The following ZNF536 variants were observed in gnomAD, a reference collection of about 807,000 sequenced individuals.
ZNF536 encodes the protein zinc finger protein 536.
ZNF536 carries 13 observed loss-of-function variants against 84.5 expected under a neutral mutation model. The ratio of observed to expected loss-of-function variants is 0.15; its 90% CI spans 0.10 to 0.24. The LOEUF (loss-of-function observed/expected upper bound fraction) is 0.24, where lower values mean the gene tolerates loss of function less well. ZNF536 is among the 10% of genes least tolerant of loss of function. The pLI is 1.00. For synonymous variants in ZNF536, 811 were observed against 742.5 expected, an observed-to-expected ratio of 1.09 and a Z score of -1.50; for missense variants, 1,536 against 1,747.5, an observed-to-expected ratio of 0.88 and a Z score of 2.16.
intron 1 of ZNF536, among the ~76,000 whole-genome samples, chr19:30,396,499 A>G (rs922910366): frequency 6.6e-6 from 1 of 151,778 alleles, no homozygotes; most frequent in Admixed American, 6.6e-5. Context: ...ACAGTGTAGC[A>G]GTTTCAGGGA....
chr19:30,408,787 A>G (rs1328038000), intron 1 of ZNF536, among the ~76,000 whole-genome samples: 2 of 150,802 alleles, frequency 1.3e-5, no homozygotes, highest in African/African-American at 2.4e-5. Flanking sequence ...CTATTCATAC[A>G]TCTATCCTTC....
chr19:30,412,618 T>A (rs1467403982), intron 1 of ZNF536, among the ~76,000 whole-genome samples: 2 of 152,052 alleles, frequency 1.3e-5, no homozygotes, highest in Admixed American at 1.3e-4. Flanking sequence ...TAGCTTCTAA[T>A]AGAAAGTAGT....
At chr19:30,418,079 G>A (rs2050807475) in intron 1 of ZNF536, among the ~76,000 whole-genome samples, 2 of 151,664 alleles carry the variant, frequency 1.3e-5, no homozygotes, top group Admixed American at 6.6e-5. Flanking sequence ...ATATTTTCAT[G>A]ATCTTATTTT....
chr19:30,661,009 T>A (rs1156257523), intron 1 of ZNF536, among the ~76,000 whole-genome samples: 1 of 152,216 alleles, frequency 6.6e-6, no homozygotes, highest in African/African-American at 2.4e-5. Flanking sequence ...GAGCCCAGTG[T>A]TCCGAAGAGT....
At chr19:30,546,501 G>A (rs1264066843) in intron 3 of ZNF536, among the ~76,000 whole-genome samples, 1 of 152,198 alleles carries the variant, frequency 6.6e-6, no homozygotes, top group Non-Finnish European at 1.5e-5. Context: ...ATCTGGAGAT[G>A]ACATGGCATC....
At chr19:30,340,045 G>A (rs999750197) in intron 2 of ZNF536, among the ~76,000 whole-genome samples, 28 of 152,132 alleles carry the variant, frequency 1.8e-4, no homozygotes, top group African/African-American at 6.3e-4. Flanking sequence ...CGGGCAGGCC[G>A]CCATCCCCTG....
intron 2 of ZNF536, among the ~76,000 whole-genome samples, chr19:30,473,019 C>A (rs371257117): frequency 7.0e-6 from 1 of 142,880 alleles, no homozygotes; most frequent in Non-Finnish European, 1.5e-5. Flanking sequence ...TGGTGTAAAC[C>A]GATCTCTACT....
At chr19:30,601,935 C>T (rs1021952624) in intron 1 of ZNF536, among the ~76,000 whole-genome samples, 1 of 152,196 alleles carries the variant, frequency 6.6e-6, no homozygotes, top group Non-Finnish European at 1.5e-5. Flanking sequence ...GTGTTTCATG[C>T]CTTTGCCATG....
At chr19:30,318,999 G>C (rs966566663) in intron 2 of ZNF536, among the ~76,000 whole-genome samples, 2 of 152,206 alleles carry the variant, frequency 1.3e-5, no homozygotes, top group Non-Finnish European at 2.9e-5. Context: ...TCTTTGGCTG[G>C]ATGGACATGA....
chr19:30,336,561 T>C (rs2047390812), intron 2 of ZNF536, among the ~76,000 whole-genome samples: 2 of 152,108 alleles, frequency 1.3e-5, no homozygotes, highest in East Asian at 1.9e-4. Context: ...AAACTGATCT[T>C]TGAATCCTGG....
chr19:30,437,655 TCCCCAAGGTG>T (rs2051813095), intron 1 of ZNF536, among the ~76,000 whole-genome samples: 1 of 151,132 alleles, frequency 6.6e-6, no homozygotes, highest in Admixed American at 6.6e-5. Flanking sequence ...TGGAGTTGAG[TCCCCAAGGTG>T]CCCCACCATG....
chr19:30,558,299 G>C (rs1177543549), downstream of ZNF536, among the ~76,000 whole-genome samples: 2 of 152,306 alleles, frequency 1.3e-5, no homozygotes, highest in South Asian at 2.1e-4. Context: ...GACTGTGGGG[G>C]GTGGGGGAGA....
chr19:30,355,382 T>C (rs1435778982), intron 3 of ZNF536, among the ~76,000 whole-genome samples: 2 of 152,038 alleles, frequency 1.3e-5, no homozygotes, highest in African/African-American at 4.8e-5. Context: ...TCTCGTTGTT[T>C]TATTTTATTT....
intron 2 of ZNF536, among the ~76,000 whole-genome samples, chr19:30,284,920 T>C (rs1336967811): frequency 1.3e-5 from 2 of 152,252 alleles, no homozygotes; most frequent in East Asian, 3.8e-4. Context: ...TTACTTCTGA[T>C]TTTGTGGATA....
intron 2 of ZNF536, among the ~76,000 whole-genome samples, chr19:30,297,911 C>CG (rs2046056745): frequency 6.9e-6 from 1 of 145,354 alleles, no homozygotes; most frequent in South Asian, 2.2e-4. Context: ...AGTCCCCCCC[C>CG]CCTCTGTCGC....
chr19:30,500,047 C>T (rs1339722966), intron 2 of ZNF536, among the ~76,000 whole-genome samples: 3 of 152,196 alleles, frequency 2.0e-5, no homozygotes, highest in Admixed American at 6.5e-5. Context: ...TTTATGCCAG[C>T]TCTTTTTACC....
At chr19:30,344,092 CA>C in intron 2 of ZNF536, among the ~76,000 whole-genome samples, 1 of 151,806 alleles carries the variant, frequency 6.6e-6, no homozygotes, top group South Asian at 2.1e-4. Context: ...TGCTGGGTTT[CA>C]GGGGCACCCC....
chr19:30,708,090 C>G (rs190010736), intron 1 of ZNF536, among the ~76,000 whole-genome samples: 4 of 151,942 alleles, frequency 2.6e-5, no homozygotes, highest in Admixed American at 2.0e-4. Context: ...ATTAATAATT[C>G]CTGACTACCT....
chr19:30,510,659 A>G (rs1165244169), intron 2 of ZNF536, among the ~76,000 whole-genome samples: 2 of 152,134 alleles, frequency 1.3e-5, no homozygotes, highest in Admixed American at 1.3e-4. Context: ...CCTCTCCTCT[A>G]TGGTTGCAAG....
Sources: allele counts gnomAD v4.1 joint callset (sites outside exome capture counted in the v4.1 genomes callset), GRCh38; gene constraint gnomAD v4.1.1; transcripts MANE v1.5; gene names NCBI Gene and HGNC (gene_info 2026-07-23, HGNC 2026-07-21).